Variants in CCDC66 observed in about 807,000 individuals in gnomAD.
CCDC66 encodes the protein coiled-coil domain-containing protein 66.
A neutral mutation model predicts 128.3 loss-of-function variants in CCDC66; 133 were observed. That is an observed-to-expected ratio of 1.04 (90% CI 0.90 to 1.20). CCDC66 has a LOEUF of 1.20. CCDC66 is among the 50% of genes most tolerant of loss of function. The probability of loss-of-function intolerance (pLI) is 0.00; values close to 1 mark genes in which losing one functional copy is unlikely to be tolerated. For missense variants in CCDC66, 1,126 were observed against 1,075.5 expected (o/e 1.05, Z -0.66); for synonymous variants, 387 against 357.0 (o/e 1.08, Z -0.95).
Position 56,599,099 on chromosome 3 carries a change from A to G in CCDC66, c.1404+5071A>G, listed in dbSNP as rs114963103. On this transcript the variant is annotated intron_variant, in intron 10 of 17. Coordinates refer to ENST00000394672, the MANE Select transcript of CCDC66 (RefSeq NM_001141947.3). ...TATTACCAATTCAGTCTTATTACTC[A>G]TTACTGGTCTGTTCAGGTTTTCTAT... Among the ~76,000 whole-genome samples the G allele has an allele frequency of 7.3e-3, 1,105 of 151,986 alleles. 28 individuals are homozygous for G. The highest frequency in any genetic ancestry group is 0.025 in the African/African-American group (1,050 of 41,414).
Position 56,564,004 on chromosome 3 carries a change from A to T in CCDC66, c.423A>T (p.Thr141=). ...AGAAGCCTCACAAAAAACACATCAC[A>T]GCTGAAAACATGAAGAGCAGTTTGG... ...GKQKPHKKHI[T]AENMKSSLVC... is the part of the protein sequence containing the mutation. The change falls in exon 4 of 18, where the codon ACA becomes ACT. Residue 141 remains threonine, a synonymous_variant. Coordinates refer to ENST00000394672, the MANE Select transcript of CCDC66 (RefSeq NM_001141947.3). 1 of 1,614,044 alleles carries T rather than the reference A, an allele frequency of 6.2e-7. No individual in the cohort carries two copies. The highest frequency in any genetic ancestry group is 8.5e-7 in the Non-Finnish European group (1 of 1,179,956).
chr3:56,618,400 T>TG, intron 15 of CCDC66, 188 bp downstream of exon 15: 1 of 538,592 alleles, frequency 1.9e-6, no homozygotes. Context: ...AGGCCCAAGT[T>TG]GGACTGGGCC....
At chr3:56,596,394 A>T (rs1168783930) in intron 10 of CCDC66, among the ~76,000 whole-genome samples, 1 of 152,010 alleles carries the variant, frequency 6.6e-6, no homozygotes, top group Non-Finnish European at 1.5e-5. Flanking sequence ...TTTTAATGGA[A>T]TTATTTGGAT....
At chr3:56,583,390 C>T (rs2068770999) in intron 7 of CCDC66, among the ~76,000 whole-genome samples, 1 of 151,806 alleles carries the variant, frequency 6.6e-6, no homozygotes, top group African/African-American at 2.4e-5. Context: ...GAGGGAAGGT[C>T]AGCAGATAAA....
chr3:56,563,077 A>G (rs756506887), intron 3 of CCDC66, among the ~76,000 whole-genome samples: 123 of 151,694 alleles, frequency 8.1e-4, no homozygotes, highest in Non-Finnish European at 1.3e-3. Context: ...ATAATAAAAA[A>G]TGGCTGGGCT....
At chr3:56,618,803 C>G (rs543806615) in intron 15 of CCDC66, 254 of 160,718 alleles carry the variant, frequency 1.6e-3, no homozygotes, top group Non-Finnish European at 2.7e-3. Context: ...GTACACATAC[C>G]ATAGCTAGTG....
At chr3:56,616,267 A>G (rs369840347) in intron 13 of CCDC66, 69 of 420,108 alleles carry the variant, frequency 1.6e-4, no homozygotes, top group South Asian at 1.1e-3. Flanking sequence ...CAGTGGTGCA[A>G]CCATTACCAC....
intron 10 of CCDC66, among the ~76,000 whole-genome samples, 163 bp from the exon 11 acceptor site, chr3:56,613,426 A>C (rs901889510): frequency 8.6e-5 from 13 of 151,878 alleles, no homozygotes; most frequent in African/African-American, 3.1e-4. Context: ...GTTGAATTCC[A>C]CTGTTCTCTG....
chr3:56,615,218 C>T lies in CCDC66; in HGVS notation c.1657C>T (p.Arg553Ter), dbSNP rs764908120. The change falls in exon 12 of 18, where the codon CGA becomes TGA. Residue 553 changes from arginine (R) to a stop codon, truncating the protein, a stop_gained. Coordinates refer to ENST00000394672, the MANE Select transcript of CCDC66 (RefSeq NM_001141947.3). LOFTEE classifies it high-confidence loss of function. Reference protein sequence around the residue: ...AQRLKQEQRIRELAQKGHDTS... With the variant: ...AQRLKQEQRI ...GAGACTAAAACAAGAACAAAGAATC[C>T]GAGAATTGGCGCAAAAGGGACATGA... is the stretch of plus-strand genomic sequence containing the variant. The T allele has an allele frequency of 6.8e-6, 11 of 1,613,348 alleles. No homozygotes were observed. The highest frequency in any genetic ancestry group is 3.3e-5 in the Admixed American group (2 of 59,932).
At chr3:56,571,706 G>GT (rs2066642501) in intron 7 of CCDC66, among the ~76,000 whole-genome samples, 1 of 152,062 alleles carries the variant, frequency 6.6e-6, no homozygotes, top group Non-Finnish European at 1.5e-5. Context: ...ATATTTTTGG[G>GT]TTTTTTGTAT....
At position 56,617,557 on chromosome 3, in the gene CCDC66, A is replaced by G; in HGVS notation, c.2289A>G (p.Ser763=). The G allele has an allele frequency of 6.2e-7, 1 of 1,609,780 alleles. No homozygotes were observed. Among genetic ancestry groups the G allele is most frequent in the East Asian group, 2.2e-5 (1 of 44,860 alleles). ...GCATTTCACCAGAAATTTTTCATTCATCTCATCAAGAAACGGAGTCAAAGT... is the reference window on the plus strand; with the variant it reads ...GCATTTCACCAGAAATTTTTCATTCGTCTCATCAAGAAACGGAGTCAAAGT... ...NRGISPEIFH[S]SHQETESKLR... Residue 763 remains serine (S), a synonymous_variant, in exon 14 of 18, where the codon TCA becomes TCG. Transcript: ENST00000394672.
rs190038122 is a variant in CCDC66, at chr3:56,613,620, G to A, written c.1436G>A (p.Arg479His). The A allele has an allele frequency of 1.0e-4, 164 of 1,613,860 alleles. No homozygotes were observed. The East Asian group carries it at 2.2e-3, about 21-fold the overall frequency. ...ATCACTGCCCAGGTAGAAGAGAAGC[G>A]CAGGAAGAAACAACTGGAGGAAGAG... ...KAITAQVEEK[R>H]RKKQLEEEQR... The change falls in exon 11 of 18, where the codon CGC (arginine) becomes CAC (histidine). Residue 479 changes from arginine to histidine, a missense_variant. Arg to His is a conservative substitution (Grantham distance 29, BLOSUM62 0). Transcript: ENST00000394672.
chr3:56,620,440 A>G (rs1473904386), intron 17 of CCDC66: 1 of 152,506 alleles, frequency 6.6e-6, no homozygotes, highest in Non-Finnish European at 1.5e-5. Flanking sequence ...CCTTTGCTCC[A>G]TCCCTTGGGC....
chr3:56,590,882 CTTCT>C (rs1186894665), intron 7 of CCDC66, among the ~76,000 whole-genome samples: 2 of 152,156 alleles, frequency 1.3e-5, no homozygotes, highest in Non-Finnish European at 2.9e-5. Flanking sequence ...GGAAAAGAGG[CTTCT>C]TTCTTTAACT....
At chr3:56,574,457 C>T (rs905043297) in intron 7 of CCDC66, among the ~76,000 whole-genome samples, 2 of 151,116 alleles carry the variant, frequency 1.3e-5, no homozygotes, top group Non-Finnish European at 2.9e-5. Context: ...TGCTGTGTAA[C>T]AAAAAAGCCC....
At chr3:56,611,791 G>A (rs1040796074) in intron 10 of CCDC66, among the ~76,000 whole-genome samples, 6 of 152,066 alleles carry the variant, frequency 3.9e-5, no homozygotes, top group East Asian at 1.9e-4. Context: ...CACTGGGCTC[G>A]GCTCTCTAAC....
At chr3:56,565,427 C>A (rs1352085820) in intron 4 of CCDC66, among the ~76,000 whole-genome samples, 1 of 148,006 alleles carries the variant, frequency 6.8e-6, no homozygotes, top group East Asian at 2.0e-4. Context: ...GCGCATGCCA[C>A]CACACCCGGC....
intron 10 of CCDC66, among the ~76,000 whole-genome samples, chr3:56,611,351 G>T (rs945266392): frequency 1.3e-5 from 2 of 151,806 alleles, no homozygotes; most frequent in Non-Finnish European, 2.9e-5. Context: ...GGAAGTGGGG[G>T]AAAGCCAGCA....
intron 10 of CCDC66, among the ~76,000 whole-genome samples, chr3:56,612,277 T>G (rs1327516736): frequency 6.6e-6 from 1 of 152,240 alleles, no homozygotes; most frequent in Non-Finnish European, 1.5e-5. Context: ...GACTTTTTTT[T>G]GGCCGAAAAC....
Sources: allele counts gnomAD v4.1 joint callset (sites outside exome capture counted in the v4.1 genomes callset), GRCh38; gene constraint gnomAD v4.1.1; transcripts MANE v1.5; gene names NCBI Gene and HGNC (gene_info 2026-07-23, HGNC 2026-07-21).